Variants in DLGAP2 observed in about 807,000 individuals in gnomAD.
DLGAP2 encodes the protein disks large-associated protein 2.
Under a neutral mutation model 100.3 loss-of-function variants are expected in DLGAP2, and 26 were observed. That is an observed-to-expected ratio of 0.26 (90% CI 0.19 to 0.36). The LOEUF (loss-of-function observed/expected upper bound fraction) is 0.36. DLGAP2 is among the 10% of genes least tolerant of loss of function. The pLI is 1.00. For synonymous variants in DLGAP2, 886 were observed against 630.1 expected (o/e 1.41, Z -6.08); for missense variants, 1,858 against 1,453.2 (o/e 1.28, Z -4.53).
chr8:859,024 A>C (rs1026539982), intron 1 of DLGAP2, among the ~76,000 whole-genome samples: 3 of 152,340 alleles, frequency 2.0e-5, no homozygotes. Context: ...TAAGCCTATA[A>C]AAAATAGTAT....
At chr8:774,054 A>G (rs60176715) in intron 1 of DLGAP2, among the ~76,000 whole-genome samples, 37 of 152,246 alleles carry the variant, frequency 2.4e-4, no homozygotes, top group African/African-American at 8.2e-4. Flanking sequence ...CTGGTGTGAG[A>G]TGGTGTCTCA....
chr8:1,694,225 T>C (rs1799322302), intron 13 of DLGAP2, among the ~76,000 whole-genome samples: 1 of 152,196 alleles, frequency 6.6e-6, no homozygotes, highest in Non-Finnish European at 1.5e-5. Flanking sequence ...GGAAGAGTGG[T>C]ACAGGGAGGG....
At chr8:1,267,934 G>C (rs1216503669) in intron 3 of DLGAP2, among the ~76,000 whole-genome samples, 1 of 152,132 alleles carries the variant, frequency 6.6e-6, no homozygotes, top group Non-Finnish European at 1.5e-5. Context: ...TGGCTTCATG[G>C]ATGTCTGTTC....
intron 2 of DLGAP2, among the ~76,000 whole-genome samples, chr8:993,927 G>T (rs1322546690): frequency 6.6e-6 from 1 of 151,694 alleles, no homozygotes; most frequent in Admixed American, 6.6e-5. Flanking sequence ...GCAGATCCCG[G>T]CTGGTAATTT....
At position 998,699 on chromosome 8, in the gene DLGAP2, A is replaced by G. The variant is rs79674075; in HGVS notation, c.73+90733A>G. ...AGGGTTTGCTTCACGATTTCTTCCTAGGTGAGAATGCCTGCCCTTTGCTCT... is the reference window on the plus strand; with the variant it reads ...AGGGTTTGCTTCACGATTTCTTCCTGGGTGAGAATGCCTGCCCTTTGCTCT... On this transcript the variant is annotated intron_variant, in intron 2 of 14. Coordinates refer to ENST00000637795, the MANE Select transcript of DLGAP2 (RefSeq NM_001346810.2). 7.4e-4 allele frequency among the ~76,000 whole-genome samples: 113 copies of G among 152,264 alleles called. 1 individual carries two copies. In the East Asian group the frequency reaches 0.022, roughly 29 times the overall value.
intron 3 of DLGAP2, among the ~76,000 whole-genome samples, chr8:1,483,262 C>G (rs532545188): frequency 1.3e-5 from 2 of 152,296 alleles, no homozygotes; most frequent in East Asian, 1.9e-4. Flanking sequence ...TGACCCAGCC[C>G]AGGCTTTAAA....
At chr8:1,636,774 A>C (rs1797777039) in intron 8 of DLGAP2, among the ~76,000 whole-genome samples, 1 of 152,228 alleles carries the variant, frequency 6.6e-6, no homozygotes, top group Non-Finnish European at 1.5e-5. Flanking sequence ...ACTGATATGC[A>C]AGTTTGCCTG....
chr8:1,682,113 C>T (rs1046721029), intron 12 of DLGAP2, among the ~76,000 whole-genome samples: 2 of 152,348 alleles, frequency 1.3e-5, no homozygotes, highest in Admixed American at 1.3e-4. Flanking sequence ...CCTGCTGTTT[C>T]AGACAAGGGT....
intron 1 of DLGAP2, among the ~76,000 whole-genome samples, chr8:832,845 A>G (rs1393703): frequency 0.2 from 30,935 of 152,070 alleles, 3,297 homozygotes; most frequent in East Asian, 0.27. Context: ...ACACTGTGGG[A>G]TCAACTAGGA....
intron 4 of DLGAP2, among the ~76,000 whole-genome samples, chr8:1,514,859 C>T (rs566610067): frequency 2.0e-5 from 3 of 152,312 alleles, no homozygotes; most frequent in South Asian, 2.1e-4. Flanking sequence ...CAGAGTCTGA[C>T]AGAGCTGCAT....
At chr8:1,445,025 C>T (rs1016092909) in intron 3 of DLGAP2, among the ~76,000 whole-genome samples, 1 of 151,402 alleles carries the variant, frequency 6.6e-6, no homozygotes, top group African/African-American at 2.4e-5. Flanking sequence ...CCACCTCGGC[C>T]TCCCAAAGTG....
intron 3 of DLGAP2, among the ~76,000 whole-genome samples, chr8:1,335,301 A>T (rs1026186784): frequency 1.3e-5 from 2 of 152,164 alleles, no homozygotes; most frequent in African/African-American, 4.8e-5. Flanking sequence ...GCTGCTGGAG[A>T]AACAACCTTC....
intron 3 of DLGAP2, among the ~76,000 whole-genome samples, chr8:1,420,231 C>T (rs964340383): frequency 6.6e-6 from 1 of 152,112 alleles, no homozygotes; most frequent in East Asian, 1.9e-4. Flanking sequence ...AGCGTAAACT[C>T]AGGTGTGGTT....
At chr8:1,049,513 G>A (rs749600912) in intron 2 of DLGAP2, among the ~76,000 whole-genome samples, 28 of 152,146 alleles carry the variant, frequency 1.8e-4, no homozygotes, top group Non-Finnish European at 4.0e-4. Flanking sequence ...AATTTATTGT[G>A]CTTTCCTTGC....
At chr8:1,425,501 C>G (rs1448722510) in intron 3 of DLGAP2, among the ~76,000 whole-genome samples, 1 of 152,178 alleles carries the variant, frequency 6.6e-6, no homozygotes, top group Non-Finnish European at 1.5e-5. Context: ...TTGGGTCTTC[C>G]CTGAGGACAG....
At position 1,238,428 on chromosome 8, in the gene DLGAP2, G is replaced by A. The variant is rs1395265530; in HGVS notation, c.74-20423G>A. Among the ~76,000 whole-genome samples, 24 of 105,202 alleles carry A rather than the reference G, an allele frequency of 2.3e-4. 1 individual carries two copies. Among genetic ancestry groups the A allele is most frequent in the African/African-American group, 8.8e-4 (24 of 27,192 alleles). 69.0% of individuals were successfully genotyped at this position (105,202 alleles called of 152,430 possible). ...ATGTCTAGTTATCTCACATGGTGCCGTTTCTAGTTCTCTCACATGGCGCCG... is the reference window on the plus strand; with the variant it reads ...ATGTCTAGTTATCTCACATGGTGCCATTTCTAGTTCTCTCACATGGCGCCG... On this transcript the variant is annotated intron_variant, in intron 2 of 14. Coordinates refer to ENST00000637795, the MANE Select transcript of DLGAP2 (RefSeq NM_001346810.2).
intron 2 of DLGAP2, among the ~76,000 whole-genome samples, chr8:1,256,356 C>A (rs867792154): frequency 8.8e-6 from 1 of 113,938 alleles, no homozygotes; most frequent in Non-Finnish European, 1.7e-5. Flanking sequence ...CTCTCCTGCC[C>A]GGGTGCTGTG....
At chr8:1,258,067 C>G (rs549319934) in intron 2 of DLGAP2, among the ~76,000 whole-genome samples, 67 of 152,358 alleles carry the variant, frequency 4.4e-4, no homozygotes, top group Admixed American at 1.5e-3. Flanking sequence ...GTGTTTGTGT[C>G]TATTCTGCAG....
intron 1 of DLGAP2, among the ~76,000 whole-genome samples, chr8:900,281 C>T (rs1427457753): frequency 6.1e-5 from 9 of 146,902 alleles, no homozygotes; most frequent in African/African-American, 2.0e-4. Flanking sequence ...ATCCTGTTCA[C>T]GGCGTCGCTC....
Sources: gnomAD v4.1 joint callset for allele counts (sites outside exome capture counted in the v4.1 genomes callset) on GRCh38, gnomAD v4.1.1 for gene constraint, MANE v1.5 for transcripts, NCBI Gene and HGNC (gene_info 2026-07-23, HGNC 2026-07-21) for gene names.